ATP7A: variants seen among roughly 807,000 people sequenced by gnomAD.
ATP7A encodes copper-transporting ATPase 1.
Under a neutral mutation model 83.5 loss-of-function variants are expected in ATP7A, and 7 were observed. The ratio of observed to expected loss-of-function variants is 0.08; its 90% confidence interval spans 0.05 to 0.16. ATP7A has a LOEUF of 0.16. Ranked by LOEUF, ATP7A falls within the 10% of genes least tolerant of loss-of-function variation. The probability of loss-of-function intolerance (pLI) is 1.00; values close to 1 mark genes in which losing one functional copy is unlikely to be tolerated. For missense variants in ATP7A, 940 were observed against 1,120.8 expected, an observed-to-expected ratio of 0.84 and a Z score of 2.30; for synonymous variants, 354 against 395.2, an observed-to-expected ratio of 0.90 and a Z score of 1.24.
chrX:77,996,014 G>T (rs1557232522), intron 4 of ATP7A, among the ~76,000 whole-genome samples: 1 of 111,748 alleles, frequency 8.9e-6, no homozygotes, highest in Non-Finnish European at 1.9e-5. Context: ...CCAAGTGCTG[G>T]GATTACAGGC....
chrX:77,965,509 A>G (rs1603377561), intron 1 of ATP7A: 1 of 286,224 alleles, frequency 3.5e-6, no homozygotes, highest in Non-Finnish European at 6.7e-6. Context: ...AAAAAAGATA[A>G]TAGGTATCGG....
intron 1 of ATP7A, among the ~76,000 whole-genome samples, chrX:77,937,950 G>A (rs782636220): frequency 2.0e-4 from 21 of 105,679 alleles, no homozygotes; most frequent in Non-Finnish European, 3.5e-4. Flanking sequence ...TCTCTCTCTC[G>A]CCAATTGTCA....
chrX:77,997,136 T>C (rs145928430), intron 4 of ATP7A, among the ~76,000 whole-genome samples: 77 of 112,344 alleles, frequency 6.9e-4, no homozygotes, highest in African/African-American at 2.3e-3. Context: ...GGTGTTCCCA[T>C]GTGACAGACT....
Position 78,048,663 on chromosome X carries a change from A to G in ATP7A, c.*2093A>G. 1 of 112,181 alleles carries G rather than the reference A, an allele frequency of 8.9e-6. No individual in the cohort carries two copies. The highest frequency in any genetic ancestry group is 1.9e-5 in the Non-Finnish European group (1 of 53,152). 9.2% of individuals were successfully genotyped at this position (112,181 alleles called of 1,213,427 possible). On this transcript the variant is annotated 3_prime_UTR_variant, in exon 23 of 23. Coordinates refer to ENST00000341514, the MANE Select transcript of ATP7A (RefSeq NM_000052.7). The stretch of plus-strand genomic sequence containing the variant: ...TAATCTAGAAAGGCAAACCCATTTC[A>G]CTGAAATATCAATGGGTTTGCATAT...
At chrX:78,012,590 T>TAA (rs782360257) in intron 9 of ATP7A, among the ~76,000 whole-genome samples, 12 of 81,324 alleles carry the variant, frequency 1.5e-4, no homozygotes, top group Admixed American at 2.9e-4. Context: ...GACTGTCTCT[T>TAA]AAAAAAAAAA....
At chrX:78,004,332 A>G (rs1479714334) in intron 6 of ATP7A, among the ~76,000 whole-genome samples, 2 of 112,552 alleles carry the variant, frequency 1.8e-5, no homozygotes, top group Non-Finnish European at 1.9e-5. Context: ...AGAAGATCAA[A>G]GAGAAACTTG....
At chrX:77,942,456 G>T (rs782630762) in intron 1 of ATP7A, among the ~76,000 whole-genome samples, 6 of 108,987 alleles carry the variant, frequency 5.5e-5, no homozygotes, top group Non-Finnish European at 7.6e-5. Context: ...TTTGCGGGGG[G>T]GGTAGGGGAG....
intron 1 of ATP7A, among the ~76,000 whole-genome samples, chrX:77,933,522 G>T (rs1444207878): frequency 1.8e-5 from 2 of 112,019 alleles, no homozygotes; most frequent in African/African-American, 6.5e-5. Flanking sequence ...GACCGGAAGT[G>T]TTTCGGATTT....
At chrX:77,934,219 G>A (rs1449600471) in intron 1 of ATP7A, among the ~76,000 whole-genome samples, 3 of 110,775 alleles carry the variant, frequency 2.7e-5, no homozygotes, top group Admixed American at 9.6e-5. Context: ...GTTGAGACCA[G>A]CCTGGGCAAC....
rs993289085 is a variant in ATP7A, at chrX:78,000,413, T to C, written c.1543+1729T>C. Among the ~76,000 whole-genome samples the C allele has an allele frequency of 2.7e-5, 3 of 110,211 alleles. No individual in the cohort carries two copies. In the Admixed American group the frequency reaches 2.9e-4, roughly 11 times the overall value. ...TTCTTCATGAGACAAGCAATGCCTA[T>C]GCCAGTTACAATTTTTTTTAAGTCT... On this transcript the variant is annotated intron_variant, in intron 5 of 22. Transcript: ENST00000341514.
chrX:77,952,685 C>T (rs1389111428), intron 1 of ATP7A, among the ~76,000 whole-genome samples: 1 of 111,054 alleles, frequency 9.0e-6, no homozygotes, highest in Non-Finnish European at 1.9e-5. Flanking sequence ...AAATGTTTGG[C>T]CAAACTGAGT....
chrX:78,006,430 A>G (rs1448700495), intron 6 of ATP7A, among the ~76,000 whole-genome samples: 1 of 112,494 alleles, frequency 8.9e-6, no homozygotes, highest in African/African-American at 3.2e-5. Flanking sequence ...TATTAAAAAC[A>G]ATGAAAAAGA....
At chrX:77,946,172 C>T (rs2077377863) in intron 1 of ATP7A, among the ~76,000 whole-genome samples, 1 of 109,134 alleles carries the variant, frequency 9.2e-6, no homozygotes, top group Non-Finnish European at 1.9e-5. Context: ...GTTGGTGGCA[C>T]GTGTCTGTAA....
At chrX:77,966,438 G>C (rs1179746067) in intron 1 of ATP7A, among the ~76,000 whole-genome samples, 7 of 112,197 alleles carry the variant, frequency 6.2e-5, no homozygotes, top group Non-Finnish European at 1.3e-4. Flanking sequence ...TGATTCAATG[G>C]ACACCATCAA....
intron 1 of ATP7A, among the ~76,000 whole-genome samples, chrX:77,954,521 A>T (rs2077430711): frequency 8.9e-6 from 1 of 112,251 alleles, no homozygotes; most frequent in Non-Finnish European, 1.9e-5. Flanking sequence ...TTGATGAAAG[A>T]AATTAGACAC....
intron 17 of ATP7A, among the ~76,000 whole-genome samples, chrX:78,035,657 C>T (rs1436513720): frequency 9.0e-6 from 1 of 111,586 alleles, no homozygotes; most frequent in Non-Finnish European, 1.9e-5. Flanking sequence ...TCCACTACCG[C>T]ATATGTACTC....
intron 1 of ATP7A, among the ~76,000 whole-genome samples, chrX:77,931,664 C>T (rs1209720316): frequency 1.1e-4 from 11 of 101,944 alleles, no homozygotes; most frequent in Admixed American, 5.1e-4. Flanking sequence ...ACCTCCCTCC[C>T]GGACGGGGTG....
chrX:77,932,787 C>T (rs782251657), intron 1 of ATP7A, among the ~76,000 whole-genome samples: 3 of 112,439 alleles, frequency 2.7e-5, no homozygotes, highest in African/African-American at 9.7e-5. Context: ...CGCCTGCAAT[C>T]GCAGGCACTC....
At chrX:78,028,065 C>T (rs1201706781) in intron 14 of ATP7A, among the ~76,000 whole-genome samples, 1 of 109,480 alleles carries the variant, frequency 9.1e-6, no homozygotes, top group Non-Finnish European at 1.9e-5. Flanking sequence ...CTCTGTTGCC[C>T]AGGCAGGAAT....
Sources: allele counts gnomAD v4.1 joint callset (sites outside exome capture counted in the v4.1 genomes callset), GRCh38; gene constraint gnomAD v4.1.1; transcripts MANE v1.5; gene names NCBI Gene and HGNC (gene_info 2026-07-23, HGNC 2026-07-21).